The following TGFBR3 variants were observed in gnomAD, a reference collection of about 807,000 sequenced individuals.
The protein encoded by TGFBR3 is transforming growth factor beta receptor type 3.
In TGFBR3, 46 loss-of-function variants were observed where a neutral mutation model predicts 87.9. The observed-to-expected ratio is 0.52, with a 90% confidence interval of 0.41 to 0.67. The LOEUF is 0.67. Ranked by LOEUF, TGFBR3 falls within the 30% of genes least tolerant of loss-of-function variation. The pLI, the probability that TGFBR3 is intolerant of heterozygous loss-of-function variation, is 0.00. For missense variants in TGFBR3, 866 were observed against 1,041.9 expected, an observed-to-expected ratio of 0.83 and a Z score of 2.32; for synonymous variants, 381 against 391.6, an observed-to-expected ratio of 0.97 and a Z score of 0.32.
chr1:91,884,217 G>T (rs1171642027), intron 1 of TGFBR3, among the ~76,000 whole-genome samples: 2 of 151,888 alleles, frequency 1.3e-5, no homozygotes, highest in African/African-American at 4.8e-5. Flanking sequence ...CTACTCTGGA[G>T]GCTGAGTCAG....
At position 91,716,680 on chromosome 1, in the gene TGFBR3, T is replaced by C; in HGVS notation, c.1595A>G (p.Asp532Gly). ...ATAACCATCTGGCCAACCACTACTG[T>C]CCCCAAGGGCTGGAACCTGTATCAC... ...SIVIQVPALG[D>G]SSGWPDGYED... Residue 532 changes from aspartate to glycine, a missense_variant, in exon 11 of 17, where the codon GAC becomes GGC. Coordinates refer to ENST00000212355, the MANE Select transcript of TGFBR3 (RefSeq NM_003243.5). The C allele has an allele frequency of 6.2e-7, 1 of 1,614,006 alleles. No individual in the cohort carries two copies. The highest frequency in any genetic ancestry group is 8.5e-7 in the Non-Finnish European group (1 of 1,180,008).
intron 4 of TGFBR3, among the ~76,000 whole-genome samples, chr1:91,737,015 GA>G (rs2100831206): frequency 6.6e-6 from 1 of 152,336 alleles, no homozygotes; most frequent in African/African-American, 2.4e-5. Flanking sequence ...ATTGTGTCCT[GA>G]AGTAATTAAA....
chr1:91,738,542 T>C (rs1438104609), intron 4 of TGFBR3, among the ~76,000 whole-genome samples: 1 of 152,242 alleles, frequency 6.6e-6, no homozygotes, highest in Non-Finnish European at 1.5e-5. Context: ...CTCCTGCTTT[T>C]GCCATGTGTA....
chr1:91,899,453 C>T (rs961041608), intron 2 of TGFBR3, among the ~76,000 whole-genome samples: 9 of 152,020 alleles, frequency 5.9e-5, no homozygotes, highest in Non-Finnish European at 1.3e-4. Context: ...CTGCAGTGAT[C>T]TGTTATCACA....
At chr1:91,736,184 T>G (rs963603369) in intron 4 of TGFBR3, among the ~76,000 whole-genome samples, 1 of 151,916 alleles carries the variant, frequency 6.6e-6, no homozygotes, top group Non-Finnish European at 1.5e-5. Context: ...AGCTGAAAAC[T>G]AGAATCACCT....
intron 4 of TGFBR3, among the ~76,000 whole-genome samples, chr1:91,742,375 C>A (rs1329789862): frequency 6.6e-6 from 1 of 152,232 alleles, no homozygotes; most frequent in Non-Finnish European, 1.5e-5. Flanking sequence ...CCAATAATTG[C>A]TTGTTGAATG....
chr1:91,713,461 T>C (rs971182304), intron 12 of TGFBR3, among the ~76,000 whole-genome samples: 2 of 152,238 alleles, frequency 1.3e-5, no homozygotes, highest in African/African-American at 4.8e-5. Context: ...CTCCCTGCTA[T>C]GCCTCATTCT....
chr1:91,704,497 C>A (rs1671728202), intron 14 of TGFBR3, among the ~76,000 whole-genome samples: 1 of 152,114 alleles, frequency 6.6e-6, no homozygotes, highest in Admixed American at 6.5e-5. Flanking sequence ...AATCACAGTG[C>A]CTGAATTTGA....
At chr1:91,883,605 C>G (rs908871982) in intron 1 of TGFBR3, among the ~76,000 whole-genome samples, 1 of 152,056 alleles carries the variant, frequency 6.6e-6, no homozygotes, top group Non-Finnish European at 1.5e-5. Context: ...TTCAAAATAA[C>G]AATGAACTCC....
chr1:91,897,246 A>G (rs768015624), intron 2 of TGFBR3, among the ~76,000 whole-genome samples: 3 of 152,194 alleles, frequency 2.0e-5, no homozygotes, highest in Non-Finnish European at 2.9e-5. Flanking sequence ...CGGGGGTATC[A>G]GGCAGCATTT....
intron 3 of TGFBR3, among the ~76,000 whole-genome samples, chr1:91,763,784 C>A (rs1006627899): frequency 2.6e-5 from 4 of 152,090 alleles, no homozygotes; most frequent in African/African-American, 9.7e-5. Context: ...AAACCTGACC[C>A]CAGATGGATC....
At chr1:91,900,069 A>T (rs1679658135) in intron 1 of TGFBR3, among the ~76,000 whole-genome samples, 2 of 152,010 alleles carry the variant, frequency 1.3e-5, no homozygotes, top group South Asian at 2.1e-4. Context: ...TCTGAAATAT[A>T]CTCCTAGATA....
intron 1 of TGFBR3, among the ~76,000 whole-genome samples, chr1:91,877,091 C>T (rs1678839159): frequency 6.6e-6 from 1 of 152,074 alleles, no homozygotes; most frequent in African/African-American, 2.4e-5. Flanking sequence ...ACCTATCTAC[C>T]TACTTGAAAT....
intron 3 of TGFBR3, among the ~76,000 whole-genome samples, chr1:91,791,138 T>C (rs1210904649): frequency 6.6e-6 from 1 of 152,202 alleles, no homozygotes; most frequent in Non-Finnish European, 1.5e-5. Flanking sequence ...ATATCATTCT[T>C]AGCAAGAAGA....
intron 2 of TGFBR3, among the ~76,000 whole-genome samples, chr1:91,837,967 C>A (rs991992903): frequency 7.2e-5 from 11 of 152,106 alleles, no homozygotes; most frequent in African/African-American, 2.7e-4. Flanking sequence ...CTGCATAATG[C>A]CCATGCTGAC....
chr1:91,855,350 C>A (rs549951979), intron 2 of TGFBR3, among the ~76,000 whole-genome samples: 1 of 152,170 alleles, frequency 6.6e-6, no homozygotes, highest in Non-Finnish European at 1.5e-5. Flanking sequence ...CTCAGCGGCA[C>A]CCCTCTCACC....
chr1:91,799,157 CA>C (rs575747794), intron 2 of TGFBR3, among the ~76,000 whole-genome samples: 182 of 152,352 alleles, frequency 1.2e-3, no homozygotes, highest in African/African-American at 4.3e-3. Context: ...AGTTCAGAAC[CA>C]GCCAGTCTGC....
chr1:91,693,414 G>T (rs1027401385), intron 16 of TGFBR3, among the ~76,000 whole-genome samples: 1 of 152,144 alleles, frequency 6.6e-6, no homozygotes, highest in Non-Finnish European at 1.5e-5. Flanking sequence ...AACAGTACTT[G>T]AAAGGCCCTC....
At chr1:91,884,371 A>G (rs1406383173) in intron 1 of TGFBR3, among the ~76,000 whole-genome samples, 2 of 152,136 alleles carry the variant, frequency 1.3e-5, no homozygotes, top group African/African-American at 4.8e-5. Context: ...AGTTCTATTT[A>G]TAATTATTTG....
Sources: allele counts gnomAD v4.1 joint callset (sites outside exome capture counted in the v4.1 genomes callset), GRCh38; gene constraint gnomAD v4.1.1; transcripts MANE v1.5; gene names NCBI Gene and HGNC (gene_info 2026-07-23, HGNC 2026-07-21).